The following GRB14 variants were observed in gnomAD, a reference collection of about 807,000 sequenced individuals.
The protein encoded by GRB14 is growth factor receptor bound protein 14.
Under a neutral mutation model 69.1 loss-of-function variants are expected in GRB14, and 38 were observed. The ratio of observed to expected loss-of-function variants is 0.55; its 90% CI spans 0.42 to 0.72. The LOEUF is 0.72. Among genes scored for constraint, GRB14 ranks in the 30% least tolerant of loss-of-function variants. The probability of loss-of-function intolerance (pLI) is 0.00; values close to 1 mark genes in which losing one functional copy is unlikely to be tolerated. For synonymous variants in GRB14, 247 were observed against 241.3 expected, an observed-to-expected ratio of 1.02 and a Z score of -0.22; for missense variants, 666 against 666.1, an observed-to-expected ratio of 1.00 and a Z score of 0.00.
rs147558017 is a variant in GRB14, at chr2:164,494,514, C to G, written c.1393G>C (p.Val465Leu). The G allele has an allele frequency of 5.8e-6, 9 of 1,540,474 alleles. No individual in the cohort carries two copies. The African/African-American group carries it at 1.1e-4, about 19-fold the overall frequency. ...TTGGGGTTACTCTGACTATCCCGTA[C>G]CAAGAAAACTCTAAAGAGAGAGAAG... ...QQGLVDGVFL[V>L]RDSQSNPKTF... The change falls in exon 13 of 14, where the codon GTA becomes CTA. Residue 465 changes from valine to leucine, a missense_variant. Val to Leu is a conservative substitution (Grantham distance 32). Transcript: ENST00000263915.
chr2:164,557,563 C>G (rs957468582), intron 2 of GRB14, among the ~76,000 whole-genome samples: 7 of 152,118 alleles, frequency 4.6e-5, no homozygotes, highest in Admixed American at 1.3e-4. Flanking sequence ...AAAGTCATTC[C>G]TACCTACAAT....
chr2:164,573,278 T>A (rs1242956828), intron 2 of GRB14, among the ~76,000 whole-genome samples: 1 of 152,230 alleles, frequency 6.6e-6, no homozygotes, highest in Non-Finnish European at 1.5e-5. Context: ...ACAGTAGGCC[T>A]TATGTTCACA....
At chr2:164,575,402 A>G (rs1018606483) in intron 2 of GRB14, among the ~76,000 whole-genome samples, 3 of 152,214 alleles carry the variant, frequency 2.0e-5, no homozygotes, top group South Asian at 2.1e-4. Context: ...CAATCATGGT[A>G]CTAAATTCCA....
intron 3 of GRB14, among the ~76,000 whole-genome samples, chr2:164,531,992 C>CT (rs1687952793): frequency 6.6e-6 from 1 of 152,100 alleles, no homozygotes. Context: ...TGTGGAAGGA[C>CT]TAAAGGAAGA....
chr2:164,514,845 G>A (rs1183811832), intron 6 of GRB14, among the ~76,000 whole-genome samples: 1 of 152,136 alleles, frequency 6.6e-6, no homozygotes, highest in Non-Finnish European at 1.5e-5. Context: ...CCTGCTGCCT[G>A]GAAAAATACT....
chr2:164,542,248 C>T (rs1688260553), intron 3 of GRB14, among the ~76,000 whole-genome samples: 1 of 152,198 alleles, frequency 6.6e-6, no homozygotes, highest in South Asian at 2.1e-4. Context: ...AAAGTGGACC[C>T]CTACCTTGCA....
At chr2:164,515,993 T>G (rs1231882685) in intron 6 of GRB14, among the ~76,000 whole-genome samples, 2 of 151,838 alleles carry the variant, frequency 1.3e-5, no homozygotes, top group African/African-American at 4.8e-5. Context: ...AAGTCAAGGC[T>G]TTCAACTTAA....
In GRB14 at chr2:164,618,069, C is replaced by T. The variant is rs572802673; in HGVS notation, c.324+1618G>A. 9.9e-5 allele frequency among the ~76,000 whole-genome samples: 15 copies of T among 151,762 alleles called. No homozygotes were observed. The South Asian group carries it at 2.7e-3, about 27-fold the overall frequency. On this transcript the variant is annotated intron_variant, in intron 2 of 13. Transcript: ENST00000263915. ...GCAGCCTCCGCCTCCTGGGTTCAAG[C>T]GATTCTCCTGCCTCCGCCTCCCGAG...
chr2:164,573,916 G>C (rs1278086635), intron 2 of GRB14: 2 of 1,613,106 alleles, frequency 1.2e-6, no homozygotes, highest in Admixed American at 3.3e-5. Flanking sequence ...ATGTGGTTAT[G>C]GGTAACAATG....
intron 2 of GRB14, among the ~76,000 whole-genome samples, chr2:164,560,407 C>T (rs77943483): frequency 1.7e-3 from 255 of 152,194 alleles, no homozygotes; most frequent in Admixed American, 1.8e-3. Flanking sequence ...CTTTATTTCT[C>T]AGTTTGTGCA....
intron 9 of GRB14, among the ~76,000 whole-genome samples, chr2:164,499,924 C>T (rs1687004632): frequency 6.6e-6 from 1 of 152,148 alleles, no homozygotes; most frequent in Non-Finnish European, 1.5e-5. Context: ...GATTATACAA[C>T]CATCACCCTC....
At chr2:164,522,879 G>T (rs376926315) in intron 5 of GRB14, among the ~76,000 whole-genome samples, 4 of 152,178 alleles carry the variant, frequency 2.6e-5, no homozygotes, top group African/African-American at 7.2e-5. Flanking sequence ...ACAATATGTG[G>T]AAGTGACCCT....
At chr2:164,581,397 G>C (rs973694449) in intron 2 of GRB14, among the ~76,000 whole-genome samples, 1 of 152,168 alleles carries the variant, frequency 6.6e-6, no homozygotes, top group Non-Finnish European at 1.5e-5. Context: ...AAAAGAGAGA[G>C]AAAGAGGAGG....
At chr2:164,519,008 CT>C (rs368445299) in intron 6 of GRB14, among the ~76,000 whole-genome samples, 4 of 152,234 alleles carry the variant, frequency 2.6e-5, no homozygotes, top group African/African-American at 7.2e-5. Flanking sequence ...GGAATCACCC[CT>C]ATATCATTCT....
rs148268784 is a variant in GRB14 at position 164,503,442 on chromosome 2, C to CAAAA, written c.1024-1111_1024-1108dup. ...ACAATGGGTATATTTGGTAATTAGG[C>CAAAA]AAAAAAAAAAAAAAAAAAAAAAAAA... On this transcript the variant is annotated intron_variant, in intron 8 of 13. Transcript: ENST00000263915. Among the ~76,000 whole-genome samples, 31 of 92,220 alleles carry CAAAA rather than the reference C, an allele frequency of 3.4e-4. 2 individuals are homozygous for CAAAA. Among genetic ancestry groups the CAAAA allele is most frequent in the East Asian group, 1.1e-3 (1 of 878 alleles). 60.5% of individuals were successfully genotyped at this position (92,220 alleles called of 152,430 possible).
intron 5 of GRB14, among the ~76,000 whole-genome samples, chr2:164,523,250 G>A (rs992367765): frequency 6.6e-6 from 1 of 152,026 alleles, no homozygotes; most frequent in Non-Finnish European, 1.5e-5. Context: ...AATGTAAATG[G>A]ATACTTTAAA....
intron 6 of GRB14, among the ~76,000 whole-genome samples, chr2:164,517,012 G>A (rs1013794156): frequency 6.6e-6 from 1 of 152,118 alleles, no homozygotes; most frequent in Non-Finnish European, 1.5e-5. Flanking sequence ...GACAGAGCAA[G>A]ACTCCATCTG....
intron 2 of GRB14, chr2:164,568,236 G>T: frequency 2.5e-6 from 2 of 807,978 alleles, no homozygotes; most frequent in Non-Finnish European, 1.8e-6. Context: ...AGCTTCCTAT[G>T]TATTAATAAA....
intron 2 of GRB14, among the ~76,000 whole-genome samples, chr2:164,570,885 C>T (rs897840199): frequency 1.2e-4 from 18 of 152,184 alleles, no homozygotes; most frequent in African/African-American, 2.4e-4. Flanking sequence ...TAGCTGTTTA[C>T]GTGTGTGTGA....
Sources: gnomAD v4.1 joint callset for allele counts (sites outside exome capture counted in the v4.1 genomes callset) on GRCh38, gnomAD v4.1.1 for gene constraint, MANE v1.5 for transcripts, NCBI Gene and HGNC (gene_info 2026-07-23, HGNC 2026-07-21) for gene names.